Variants in MINDY2 observed in about 807,000 individuals in gnomAD.
MINDY2 encodes the protein MINDY lysine 48 deubiquitinase 2, also known as ubiquitin carboxyl-terminal hydrolase MINDY-2.
Under a neutral mutation model 68.2 loss-of-function variants are expected in MINDY2, and 52 were observed. That is an observed-to-expected ratio of 0.76 (90% CI 0.61 to 0.96). The LOEUF (loss-of-function observed/expected upper bound fraction) is 0.96, where lower values mean the gene tolerates loss of function less well. MINDY2 is among the 40% of genes least tolerant of loss of function. The pLI, the probability that MINDY2 is intolerant of heterozygous loss-of-function variation, is 0.00. For missense variants in MINDY2, 881 were observed against 773.4 expected (o/e 1.14, Z -1.65); for synonymous variants, 372 against 303.0 (o/e 1.23, Z -2.36).
At chr15:58,781,942 G>T (rs1474517943) in intron 1 of MINDY2, among the ~76,000 whole-genome samples, 1 of 152,008 alleles carries the variant, frequency 6.6e-6, no homozygotes, top group Non-Finnish European at 1.5e-5. Context: ...ATGGCAAGTA[G>T]AAAGCCAATT....
chr15:58,806,499 A>T (rs1246911932), intron 3 of MINDY2, among the ~76,000 whole-genome samples: 2 of 151,922 alleles, frequency 1.3e-5, no homozygotes, highest in African/African-American at 2.4e-5. Flanking sequence ...CTGGGATTAC[A>T]GTCATGAGCC....
intron 3 of MINDY2, among the ~76,000 whole-genome samples, chr15:58,807,892 A>G (rs557223270): frequency 1.3e-5 from 2 of 152,256 alleles, no homozygotes; most frequent in Non-Finnish European, 2.9e-5. Context: ...CTACTTTGGA[A>G]TGCTCTTTGC....
chr15:58,818,014 G>A (rs1470174854), intron 4 of MINDY2, among the ~76,000 whole-genome samples: 2 of 152,156 alleles, frequency 1.3e-5, no homozygotes, highest in Non-Finnish European at 1.5e-5. Flanking sequence ...AAAGACAAAT[G>A]AGTAACCACA....
intron 2 of MINDY2, among the ~76,000 whole-genome samples, chr15:58,800,388 C>T (rs911120325): frequency 6.6e-6 from 1 of 152,150 alleles, no homozygotes; most frequent in South Asian, 2.1e-4. Context: ...CTTCACTCCT[C>T]TACTTAAAAG....
intron 2 of MINDY2, chr15:58,796,030 C>T (rs766480099): frequency 6.2e-5 from 28 of 451,350 alleles, no homozygotes; most frequent in South Asian, 4.4e-4. Flanking sequence ...TTATTGTGAC[C>T]TTCATCAAAC....
intron 6 of MINDY2, among the ~76,000 whole-genome samples, chr15:58,839,070 C>A (rs1308983319): frequency 2.6e-5 from 4 of 151,786 alleles, no homozygotes; most frequent in African/African-American, 9.7e-5. Flanking sequence ...ATTTACTAAA[C>A]CCTATATATG....
chr15:58,845,768 T>G (rs1018760997), intron 6 of MINDY2, among the ~76,000 whole-genome samples: 3 of 152,198 alleles, frequency 2.0e-5, no homozygotes, highest in Non-Finnish European at 2.9e-5. Context: ...GCAGCACTAT[T>G]CGCAATAGCC....
intron 5 of MINDY2, among the ~76,000 whole-genome samples, chr15:58,824,457 C>T (rs1308223031): frequency 6.6e-6 from 1 of 151,898 alleles, no homozygotes; most frequent in African/African-American, 2.4e-5. Context: ...ACCATATTTC[C>T]ATATTAAAGA....
At chr15:58,791,215 TTATATA>T (rs57998049) in intron 2 of MINDY2, among the ~76,000 whole-genome samples, 154 of 79,578 alleles carry the variant, frequency 1.9e-3, no homozygotes, top group South Asian at 4.6e-3. Flanking sequence ...GAAAGCAATT[TTATATA>T]TATATATATA....
At chr15:58,806,075 A>G (rs985188576) in intron 3 of MINDY2, among the ~76,000 whole-genome samples, 2 of 152,214 alleles carry the variant, frequency 1.3e-5, no homozygotes, top group Admixed American at 6.5e-5. Context: ...CTCCGTCTCA[A>G]AAAAACAACA....
At chr15:58,807,485 A>G (rs1209500102) in intron 3 of MINDY2, among the ~76,000 whole-genome samples, 4 of 150,808 alleles carry the variant, frequency 2.7e-5, no homozygotes, top group Admixed American at 6.7e-5. Context: ...CCTCCCGAGT[A>G]GCTGAGAGAG....
chr15:58,843,758 T>C (rs1595776749), intron 6 of MINDY2, among the ~76,000 whole-genome samples: 2 of 133,346 alleles, frequency 1.5e-5, no homozygotes, highest in South Asian at 4.7e-4. Context: ...GGCGTGAACC[T>C]GGGAGGCGGA....
chr15:58,784,656 G>A (rs1046238997), intron 1 of MINDY2, among the ~76,000 whole-genome samples: 1 of 115,372 alleles, frequency 8.7e-6, no homozygotes, highest in Non-Finnish European at 1.7e-5. Flanking sequence ...ATCTCTCTCT[G>A]TTGCCCAGGC....
At chr15:58,848,976 G>A (rs941313152) in intron 7 of MINDY2, among the ~76,000 whole-genome samples, 1 of 152,124 alleles carries the variant, frequency 6.6e-6, no homozygotes, top group African/African-American at 2.4e-5. Context: ...TTGAGAGGCT[G>A]AGGCAGGTGG....
chr15:58,782,867 A>C (rs1459901782), intron 1 of MINDY2, among the ~76,000 whole-genome samples: 1 of 150,554 alleles, frequency 6.6e-6, no homozygotes, highest in African/African-American at 2.4e-5. Flanking sequence ...CATAAAATTG[A>C]ATGACAATTA....
At chr15:58,787,112 G>A (rs1362242490) in intron 1 of MINDY2, among the ~76,000 whole-genome samples, 4 of 150,438 alleles carry the variant, frequency 2.7e-5, no homozygotes, top group African/African-American at 9.8e-5. Flanking sequence ...TTACTGGCGT[G>A]AGCCCATATG....
chr15:58,850,212 A>T (rs1336659960), intron 7 of MINDY2, among the ~76,000 whole-genome samples: 3 of 152,292 alleles, frequency 2.0e-5, no homozygotes, highest in Middle Eastern at 3.4e-3. Flanking sequence ...AACTAATCTG[A>T]GTGTGTACAT....
chr15:58,833,353 G>A (rs1359634340), intron 6 of MINDY2, among the ~76,000 whole-genome samples: 2 of 152,164 alleles, frequency 1.3e-5, no homozygotes, highest in Non-Finnish European at 2.9e-5. Flanking sequence ...GAAGGAGTGG[G>A]TTGCCCCTCC....
Position 58,792,325 on chromosome 15 carries a change from A to G in MINDY2, c.898+4362A>G, listed in dbSNP as rs1010861490. 4.6e-5 allele frequency among the ~76,000 whole-genome samples: 7 copies of G among 152,366 alleles called. No individual in the cohort carries two copies. In the South Asian group the frequency reaches 6.2e-4, roughly 14 times the overall value. On this transcript the variant is annotated intron_variant, in intron 2 of 8. Coordinates refer to ENST00000559228, the MANE Select transcript of MINDY2 (RefSeq NM_001040450.3). ...CCATACAGCTTGTATAAAAATGTTC[A>G]GGCCACACGCGGTGGCTTACGCCTG... is the stretch of plus-strand genomic sequence containing the variant.
Sources: gnomAD v4.1 joint callset for allele counts (sites outside exome capture counted in the v4.1 genomes callset) on GRCh38, gnomAD v4.1.1 for gene constraint, MANE v1.5 for transcripts, NCBI Gene and HGNC (gene_info 2026-07-23, HGNC 2026-07-21) for gene names.